The following ADAD1 variants were observed in gnomAD, a reference collection of about 807,000 sequenced individuals.
ADAD1 encodes the protein adenosine deaminase domain-containing protein 1.
A neutral mutation model predicts 66.8 loss-of-function variants in ADAD1; 46 were observed. That is an observed-to-expected ratio of 0.69 (90% CI 0.54 to 0.88). ADAD1 has a LOEUF of 0.88. Among genes scored for constraint, ADAD1 ranks in the 40% least tolerant of loss-of-function variants. The pLI is 0.00. For synonymous variants in ADAD1, 248 were observed against 229.4 expected (o/e 1.08, Z -0.73); for missense variants, 617 against 681.8 (o/e 0.91, Z 1.06).
Position 122,392,443 on chromosome 4 carries a change from G to A in ADAD1, c.530-1146G>A, listed in dbSNP as rs190830062. On this transcript the variant is annotated intron_variant, in intron 5 of 12. Transcript: ENST00000296513. The stretch of plus-strand genomic sequence containing the variant: ...AGGCCATAATCCTAAGCAAATAAAC[G>A]CAGGAATGTAAAACCAAATACCTCA... Among the ~76,000 whole-genome samples the A allele has an allele frequency of 1.9e-3, 291 of 152,232 alleles. 1 individual carries two copies. The highest frequency in any genetic ancestry group is 6.8e-3 in the African/African-American group (284 of 41,548).
intron 7 of ADAD1, among the ~76,000 whole-genome samples, chr4:122,403,896 T>G (rs898615394): frequency 3.3e-5 from 5 of 152,054 alleles, no homozygotes; most frequent in African/African-American, 1.2e-4. Flanking sequence ...AATGGAGTTA[T>G]GTTTTAGGGG....
At chr4:122,411,575 A>G (rs1318520801) in intron 9 of ADAD1, among the ~76,000 whole-genome samples, 183 bp downstream of exon 9, 1 of 152,126 alleles carries the variant, frequency 6.6e-6, no homozygotes, top group East Asian at 1.9e-4. Context: ...CTAATCTATT[A>G]CTTCTACAGG....
intron 12 of ADAD1, among the ~76,000 whole-genome samples, chr4:122,426,976 C>G (rs1224900839): frequency 6.6e-6 from 1 of 152,144 alleles, no homozygotes; most frequent in Non-Finnish European, 1.5e-5. Context: ...ACACTGTTCT[C>G]TAGGTCCTAG....
chr4:122,387,741 G>GTT (rs776546642), intron 5 of ADAD1, among the ~76,000 whole-genome samples: 50 of 142,490 alleles, frequency 3.5e-4, no homozygotes, highest in African/African-American at 1.2e-3. Flanking sequence ...ATATTGAGAG[G>GTT]TTTTTTTTTT....
chr4:122,402,014 C>G (rs1338984248), intron 7 of ADAD1, among the ~76,000 whole-genome samples: 1 of 151,440 alleles, frequency 6.6e-6, no homozygotes, highest in Non-Finnish European at 1.5e-5. Flanking sequence ...ATATAGGGTA[C>G]TGTTCTATTC....
intron 4 of ADAD1, among the ~76,000 whole-genome samples, chr4:122,383,354 A>G (rs1336358885): frequency 2.0e-5 from 3 of 152,176 alleles, no homozygotes; most frequent in Admixed American, 2.0e-4. Context: ...TATTAGGGCA[A>G]TCCAAGGGGT....
At chr4:122,402,566 C>T (rs557094501) in intron 7 of ADAD1, among the ~76,000 whole-genome samples, 2 of 152,212 alleles carry the variant, frequency 1.3e-5, no homozygotes, top group African/African-American at 2.4e-5. Flanking sequence ...TGAAGTTTTC[C>T]TAAATTTTTC....
chr4:122,394,974 C>G (rs1453846979), intron 6 of ADAD1, among the ~76,000 whole-genome samples: 1 of 152,030 alleles, frequency 6.6e-6, no homozygotes. Flanking sequence ...GATTTGAGAC[C>G]CACAAATTGT....
chr4:122,395,328 G>A (rs1322089453), intron 6 of ADAD1, among the ~76,000 whole-genome samples: 4 of 152,106 alleles, frequency 2.6e-5, no homozygotes, highest in African/African-American at 9.6e-5. Context: ...TGGGATTACA[G>A]GTGTAAGCCA....
At position 122,421,288 on chromosome 4, in the gene ADAD1, G is replaced by T; in HGVS notation, c.1515G>T (p.Met505Ile). The T allele has an allele frequency of 6.2e-7, 1 of 1,602,764 alleles. No homozygotes were observed. Among genetic ancestry groups the T allele is most frequent in the South Asian group, 1.1e-5 (1 of 89,332 alleles). The change falls in exon 12 of 13, where the codon ATG (methionine) becomes ATT (isoleucine). Residue 505 changes from methionine (M) to isoleucine (I), a missense_variant. Met to Ile is a conservative substitution (Grantham distance 10). Transcript: ENST00000296513. ...ESSPFKSGMS[M>I]ASRLCKAAML... ...CCCCATTTAAAAGTGGTATGTCAAT[G>T]GCAAGTCGGCTTTGTAAGGCTGCAA... is the stretch of plus-strand genomic sequence containing the variant.
intron 5 of ADAD1, among the ~76,000 whole-genome samples, chr4:122,392,286 C>T: frequency 6.6e-6 from 1 of 152,120 alleles, no homozygotes; most frequent in East Asian, 1.9e-4. Flanking sequence ...ACAGCAAAGA[C>T]ATCAAATCAA....
At chr4:122,395,719 C>A (rs775774358) in intron 6 of ADAD1, among the ~76,000 whole-genome samples, 1 of 151,276 alleles carries the variant, frequency 6.6e-6, no homozygotes, top group African/African-American at 2.4e-5. Flanking sequence ...TGGTTATAAA[C>A]TGTTCTATGG....
chr4:122,393,781 C>A, intron 6 of ADAD1, 124 bp downstream of exon 6: 2 of 642,436 alleles, frequency 3.1e-6, no homozygotes, highest in Non-Finnish European at 4.7e-6. Context: ...AAACCTTTCA[C>A]ACTTCTACAA....
chr4:122,390,103 T>G (rs553556415), intron 5 of ADAD1, among the ~76,000 whole-genome samples: 1 of 152,362 alleles, frequency 6.6e-6, no homozygotes, highest in Middle Eastern at 3.4e-3. Context: ...ATTTTATTTC[T>G]TCTTCACTTA....
chr4:122,389,931 T>C (rs1795355527), intron 5 of ADAD1, among the ~76,000 whole-genome samples: 1 of 152,246 alleles, frequency 6.6e-6, no homozygotes, highest in Non-Finnish European at 1.5e-5. Context: ...CACTAGTTGA[T>C]GCACTAGTTT....
intron 10 of ADAD1, among the ~76,000 whole-genome samples, chr4:122,413,599 T>G (rs1796570224): frequency 6.6e-6 from 1 of 152,044 alleles, no homozygotes; most frequent in Non-Finnish European, 1.5e-5. Flanking sequence ...GTCCTTTTCA[T>G]ATACTGATTT....
intron 2 of ADAD1, 126 bp downstream of exon 2, chr4:122,379,571 G>C (rs1794776006): frequency 6.5e-6 from 1 of 155,022 alleles, no homozygotes; most frequent in Non-Finnish European, 1.4e-5. Flanking sequence ...TGAAGCGAGA[G>C]GTTGAGGCTG....
chr4:122,391,178 T>C (rs1353159929), intron 5 of ADAD1, among the ~76,000 whole-genome samples: 2 of 152,070 alleles, frequency 1.3e-5, no homozygotes, highest in Admixed American at 6.5e-5. Flanking sequence ...TCTGATTCTC[T>C]CCCGTGCCTG....
Position 122,383,926 on chromosome 4 carries a change from A to C in ADAD1, c.489A>C (p.Leu163=). Residue 163 remains leucine, a synonymous_variant, in exon 5 of 13, where the codon CTA becomes CTC. Coordinates refer to ENST00000296513, the MANE Select transcript of ADAD1 (RefSeq NM_139243.4). ...NAAKLALDEL[L]QLDEPEPRIL... is the part of the protein sequence containing the mutation. ...CAAAATTAGCTCTTGATGAGCTTCTACAACTGGATGAACCTGAACCACGAA... is the reference window on the plus strand; with the variant it reads ...CAAAATTAGCTCTTGATGAGCTTCTCCAACTGGATGAACCTGAACCACGAA... The C allele has an allele frequency of 6.2e-7, 1 of 1,613,456 alleles. No homozygotes were observed. The highest frequency in any genetic ancestry group is 8.5e-7 in the Non-Finnish European group (1 of 1,179,816).
Sources: allele counts gnomAD v4.1 joint callset (sites outside exome capture counted in the v4.1 genomes callset), GRCh38; gene constraint gnomAD v4.1.1; transcripts MANE v1.5; gene names NCBI Gene and HGNC (gene_info 2026-07-23, HGNC 2026-07-21).